Variants in BCAM observed in about 807,000 individuals in gnomAD.
BCAM encodes basal cell adhesion molecule.
A neutral mutation model predicts 72.4 loss-of-function variants in BCAM; 61 were observed. The ratio of observed to expected loss-of-function variants is 0.84; its 90% CI spans 0.69 to 1.04. BCAM has a LOEUF of 1.04. Among genes scored for constraint, BCAM ranks in the 50% least tolerant of loss-of-function variants. The probability of loss-of-function intolerance (pLI) is 0.00; values close to 1 mark genes in which losing one functional copy is unlikely to be tolerated. For missense variants in BCAM, 909 were observed against 895.0 expected (o/e 1.02, Z -0.20); for synonymous variants, 408 against 384.2 (o/e 1.06, Z -0.73).
Position 44,821,206 on chromosome 19 carries a change from G to A in BCAM, c.*285G>A, listed in dbSNP as rs981485966. ...GGACCCAAGCCCAAGGCCCAGCCTGGGACAAGGCTCCGAGGGTCGGCTGGC... is the reference window on the plus strand; with the variant it reads ...GGACCCAAGCCCAAGGCCCAGCCTGAGACAAGGCTCCGAGGGTCGGCTGGC... On this transcript the variant is annotated 3_prime_UTR_variant, in exon 15 of 15. Transcript: ENST00000270233. 3 of 399,786 alleles carry A rather than the reference G, an allele frequency of 7.5e-6. No homozygotes were observed. The highest frequency in any genetic ancestry group is 4.1e-5 in the African/African-American group (2 of 48,434). 24.8% of individuals were successfully genotyped at this position (399,786 alleles called of 1,614,324 possible).
In BCAM at chr19:44,819,698, T is replaced by C; in HGVS notation, c.1735T>C (p.Cys579Arg). 6.2e-7 allele frequency: 1 copy of C among 1,611,112 alleles called. No individual in the cohort carries two copies. The change falls in exon 13 of 15, where the codon TGC becomes CGC. Residue 579 changes from cysteine to arginine, a missense_variant. Coordinates refer to ENST00000270233, the MANE Select transcript of BCAM (RefSeq NM_005581.5). Reference protein sequence around the residue: ...YCVRRKGGPCCRQRREKGAPP... With the variant: ...YCVRRKGGPCRRQRREKGAPP... ...CGTGAGACGCAAAGGGGGCCCCTGC[T>C]GCCGCCAGCGGCGGGAGAAGGGGGC...
Position 44,820,698 on chromosome 19 carries a change from C to T in BCAM, c.1764-7C>T, listed in dbSNP as rs1377695770. ...CGACGCCTCCGCCCGCTGCCTCCTC[C>T]CCCCAGGCCGCCAGGGGAGCCAGGG... is the stretch of plus-strand genomic sequence containing the variant. On this transcript the variant is annotated splice_region_variant and splice_polypyrimidine_tract_variant and intron_variant, in intron 13 of 14. Coordinates refer to ENST00000270233, the MANE Select transcript of BCAM (RefSeq NM_005581.5). 2 of 1,405,544 alleles carry T rather than the reference C, an allele frequency of 1.4e-6. No homozygotes were observed. The highest frequency in any genetic ancestry group is 9.3e-7 in the Non-Finnish European group (1 of 1,075,180). The allele number at this position is 1,405,544 out of a possible 1,614,324, so 87.1% of individuals were successfully genotyped here. A position where few individuals can be genotyped will look rare whatever the true frequency, so the allele number is the denominator to read the frequency against.
chr19:44,815,910 G>A (rs1968498137), intron 8 of BCAM, among the ~76,000 whole-genome samples: 1 of 152,096 alleles, frequency 6.6e-6, no homozygotes, highest in Admixed American at 6.6e-5. Flanking sequence ...CTACTCGGAG[G>A]CCCAGGTGGG....
rs781145298 is a variant in BCAM at position 44,820,753 on chromosome 19, G to A, written c.1812G>A (p.Glu604=). The A allele has an allele frequency of 2.7e-6, 4 of 1,498,054 alleles. No individual in the cohort carries two copies. The highest frequency in any genetic ancestry group is 3.6e-6 in the Non-Finnish European group (4 of 1,119,018). The allele number at this position is 1,498,054 out of a possible 1,614,324, so 92.8% of individuals were successfully genotyped here. A position where few individuals can be genotyped will look rare whatever the true frequency, so the allele number is the denominator to read the frequency against. Residue 604 remains glutamate (E), a synonymous_variant, in exon 14 of 15, where the codon GAG becomes GAA. Coordinates refer to ENST00000270233, the MANE Select transcript of BCAM (RefSeq NM_005581.5). ...GCCACTCGGGGTCGGAGCAACCAGAGCAGACCGGCCTTCTCATGGGAGGTG... is the reference window on the plus strand; with the variant it reads ...GCCACTCGGGGTCGGAGCAACCAGAACAGACCGGCCTTCTCATGGGAGGTG... ...GLSHSGSEQP[E]QTGLLMGGAS...
rs41306986 is a variant in BCAM at position 44,820,877 on chromosome 19, G to A, written c.1882-39G>A. Reference sequence around the variant, plus strand: ...AGGGACCTGCTGGGCAGTGGAGCACGCCCGTGGGCACAGGCTGACCTCTCC... The same window carrying A: ...AGGGACCTGCTGGGCAGTGGAGCACACCCGTGGGCACAGGCTGACCTCTCC... On this transcript the variant is annotated intron_variant, in intron 14 of 14. Coordinates refer to ENST00000270233, the MANE Select transcript of BCAM (RefSeq NM_005581.5). 12,030 of 1,552,214 alleles carry A rather than the reference G, an allele frequency of 7.8e-3. 70 individuals carry two copies. The highest frequency in any genetic ancestry group is 9.1e-3 in the Non-Finnish European group (10,474 of 1,148,944).
chr19:44,810,587 G>C (rs1968404311), intron 1 of BCAM, among the ~76,000 whole-genome samples: 4 of 152,206 alleles, frequency 2.6e-5, no homozygotes, highest in Admixed American at 1.3e-4. Flanking sequence ...CAGAGATGGA[G>C]ACCCAAGAGG....
rs1325646356 is a variant in BCAM, at chr19:44,809,130, G to C, written c.6G>C (p.Glu2Asp). MEPPDAPAQARG... is the reference protein window; with the variant it reads MDPPDAPAQARG... ...TCTCCGCCGCCGCCGTGAACATGGA[G>C]CCCCCGGACGCACCGGCCCAGGCGC... The change falls in exon 1 of 15, where the codon GAG (glutamate) becomes GAC (aspartate). Residue 2 changes from glutamate (E) to aspartate (D), a missense_variant. Glu to Asp is a conservative substitution (Grantham distance 45). Transcript: ENST00000270233. 3 of 1,455,804 alleles carry C rather than the reference G, an allele frequency of 2.1e-6. No homozygotes were observed. Among genetic ancestry groups the C allele is most frequent in the Admixed American group, 2.5e-5 (1 of 40,184 alleles). 90.2% of individuals were successfully genotyped at this position (1,455,804 alleles called of 1,614,324 possible). A position where few individuals can be genotyped will look rare whatever the true frequency, so the allele number is the denominator to read the frequency against.
intron 1 of BCAM, 79 bp downstream of exon 1, chr19:44,809,285 A>C: frequency 8.1e-7 from 1 of 1,234,624 alleles, no homozygotes; most frequent in Non-Finnish European, 1.0e-6. Flanking sequence ...AAAGGGCTTT[A>C]CCCTGACCCC....
chr19:44,814,730 C>G lies in BCAM; in HGVS notation c.1048C>G (p.Leu350Val). ...EDYDAADDVQ[L>V]SKTLELRVAY... ...TTACGACGCGGCAGATGACGTGCAG[C>G]TCTCCAAGACGCTGGAGCTGCGCGT... Residue 350 changes from leucine to valine, a missense_variant, in exon 8 of 15, where the codon CTC becomes GTC. Transcript: ENST00000270233. This position sits in a 1 kb window ranked among gnomAD's most constrained non-coding sequence, Gnocchi z 4.6. The G allele has an allele frequency of 6.2e-7, 1 of 1,613,526 alleles. No homozygotes were observed. The highest frequency in any genetic ancestry group is 1.1e-5 in the South Asian group (1 of 91,064).
rs1968465578 is a variant in BCAM at position 44,813,857 on chromosome 19, A to C, written c.784+237A>C. On this transcript the variant is annotated intron_variant, in intron 6 of 14. Coordinates refer to ENST00000270233, the MANE Select transcript of BCAM (RefSeq NM_005581.5). The surrounding 1 kb of genome is among the most constrained non-coding windows in gnomAD (Gnocchi z 4.2). The stretch of plus-strand genomic sequence containing the variant: ...CTGGACCCCATGAAGTTTATGACTA[A>C]ATGGTGCTTTCCACCTTCTCACACT... 6.6e-6 allele frequency among the ~76,000 whole-genome samples: 1 copy of C among 152,056 alleles called. No individual in the cohort carries two copies. The highest frequency in any genetic ancestry group is 1.9e-4 in the East Asian group (1 of 5,196).
rs760797820 is a variant in BCAM at position 44,812,661 on chromosome 19, G to A, written c.504+113G>A. 8 of 1,300,414 alleles carry A rather than the reference G, an allele frequency of 6.2e-6. No homozygotes were observed. Among genetic ancestry groups the A allele is most frequent in the Non-Finnish European group, 8.5e-6 (8 of 942,840 alleles). The allele number at this position is 1,300,414 out of a possible 1,614,324, so 80.6% of individuals were successfully genotyped here. Reference sequence around the variant, plus strand: ...GGGACCCCTGGGTAATAAAGGAGGAGGGGTAAGGCCAGGCGAGGTGGCTCA... The same window carrying A: ...GGGACCCCTGGGTAATAAAGGAGGAAGGGTAAGGCCAGGCGAGGTGGCTCA... On this transcript the variant is annotated intron_variant, in intron 4 of 14. Coordinates refer to ENST00000270233, the MANE Select transcript of BCAM (RefSeq NM_005581.5). This position sits in a 1 kb window ranked among gnomAD's most constrained non-coding sequence, Gnocchi z 5.3.
rs756893145 is a variant in BCAM, at chr19:44,812,313, G to A, written c.355G>A (p.Asp119Asn). Reference sequence around the variant, plus strand: ...GGTGCTGGCTGAGGCCCAGGTGGGCGACGAGCGAGACTACGTGTGCGTGGT... The same window carrying A: ...GGTGCTGGCTGAGGCCCAGGTGGGCAACGAGCGAGACTACGTGTGCGTGGT... ...RLVLAEAQVG[D>N]ERDYVCVVRA... is the part of the protein sequence containing the mutation. Residue 119 changes from aspartate (D) to asparagine (N), a missense_variant, in exon 3 of 15, where the codon GAC (aspartate) becomes AAC (asparagine). Coordinates refer to ENST00000270233, the MANE Select transcript of BCAM (RefSeq NM_005581.5). The surrounding 1 kb of genome is among the most constrained non-coding windows in gnomAD (Gnocchi z 5.3). 1.5e-5 allele frequency: 24 copies of A among 1,612,382 alleles called. No homozygotes were observed. The highest frequency in any genetic ancestry group is 4.0e-5 in the African/African-American group (3 of 74,904).
rs1321905053 is a variant in BCAM, at chr19:44,812,592, G to A, written c.504+44G>A. The stretch of plus-strand genomic sequence containing the variant: ...TTGGCCCCAGGGTCCTGGAGGAGGA[G>A]GGGACAGGGCCCTGGACTCCTGGGT... On this transcript the variant is annotated intron_variant, in intron 4 of 14. Coordinates refer to ENST00000270233, the MANE Select transcript of BCAM (RefSeq NM_005581.5). The surrounding 1 kb of genome is among the most constrained non-coding windows in gnomAD (Gnocchi z 5.3). The A allele has an allele frequency of 1.2e-6, 2 of 1,608,756 alleles. No homozygotes were observed. The highest frequency in any genetic ancestry group is 4.5e-5 in the East Asian group (2 of 44,820).
rs1030055627 is a variant in BCAM, at chr19:44,813,706, C to G, written c.784+86C>G. 2.5e-5 allele frequency: 37 copies of G among 1,491,686 alleles called. No individual in the cohort carries two copies. In the African/African-American group the frequency reaches 4.9e-4, roughly 20 times the overall value. 92.4% of individuals were successfully genotyped at this position (1,491,686 alleles called of 1,614,324 possible). A position where few individuals can be genotyped will look rare whatever the true frequency, so the allele number is the denominator to read the frequency against. On this transcript the variant is annotated intron_variant, in intron 6 of 14. Coordinates refer to ENST00000270233, the MANE Select transcript of BCAM (RefSeq NM_005581.5). This position sits in a 1 kb window ranked among gnomAD's most constrained non-coding sequence, Gnocchi z 4.2. Reference sequence around the variant, plus strand: ...CTCCACCCGGGGGCTTCACACTCCCCTCTGACCCTCTGCCTCCCTACTTCA... The same window carrying G: ...CTCCACCCGGGGGCTTCACACTCCCGTCTGACCCTCTGCCTCCCTACTTCA...
rs560312954 is a variant in BCAM, at chr19:44,818,486, G to A, written c.1079-36G>A. On this transcript the variant is annotated intron_variant, in intron 8 of 14. Coordinates refer to ENST00000270233, the MANE Select transcript of BCAM (RefSeq NM_005581.5). The surrounding 1 kb of genome is among the most constrained non-coding windows in gnomAD (Gnocchi z 4.6). The stretch of plus-strand genomic sequence containing the variant: ...GAGAGCCCCTAATTGAGTGGGTGGC[G>A]GTCTGGGACGAGTGACAGACTGTCC... 54 of 1,583,368 alleles carry A rather than the reference G, an allele frequency of 3.4e-5. No individual in the cohort carries two copies. Among genetic ancestry groups the A allele is most frequent in the East Asian group, 2.7e-4 (12 of 44,470 alleles).
chr19:44,820,505 T>G, intron 13 of BCAM, 200 bp from the exon 14 acceptor site: 2 of 1,262,686 alleles, frequency 1.6e-6, no homozygotes, highest in Non-Finnish European at 9.9e-7. Flanking sequence ...CCCAATAGCA[T>G]CTGCATCCCC....
At position 44,814,822 on chromosome 19, in the gene BCAM, C is replaced by A. The variant is rs1968482334; in HGVS notation, c.1078+62C>A. 6 of 1,532,628 alleles carry A rather than the reference C, an allele frequency of 3.9e-6. No homozygotes were observed. The highest frequency in any genetic ancestry group is 4.4e-6 in the Non-Finnish European group (5 of 1,139,014). 94.9% of individuals were successfully genotyped at this position (1,532,628 alleles called of 1,614,324 possible). On this transcript the variant is annotated intron_variant, in intron 8 of 14. Transcript: ENST00000270233. The surrounding 1 kb of genome is among the most constrained non-coding windows in gnomAD (Gnocchi z 4.6). Reference sequence around the variant, plus strand: ...CCTGGCATCAGTGCCTCTGCGCCCTCCTCCCTACAGCCCTGAAGTTGCTCT... The same window carrying A: ...CCTGGCATCAGTGCCTCTGCGCCCTACTCCCTACAGCCCTGAAGTTGCTCT...
In BCAM at chr19:44,818,443, C is replaced by A; in HGVS notation, c.1079-79C>A. The A allele has an allele frequency of 3.6e-6, 4 of 1,111,664 alleles. No individual in the cohort carries two copies. Among genetic ancestry groups the A allele is most frequent in the South Asian group, 1.4e-5 (1 of 72,224 alleles). The allele number at this position is 1,111,664 out of a possible 1,614,324, so 68.9% of individuals were successfully genotyped here. ...GCTTCCAACTGTCCATTCATGTTTG[C>A]ACCCCCGACCGCCCCTGGAGAGCCC... On this transcript the variant is annotated intron_variant, in intron 8 of 14. Coordinates refer to ENST00000270233, the MANE Select transcript of BCAM (RefSeq NM_005581.5). The surrounding 1 kb of genome is among the most constrained non-coding windows in gnomAD (Gnocchi z 4.6).
At position 44,812,251 on chromosome 19, in the gene BCAM, G is replaced by A. The variant is rs776003390; in HGVS notation, c.293G>A (p.Arg98His). The A allele has an allele frequency of 3.2e-5, 52 of 1,608,128 alleles. No homozygotes were observed. Among genetic ancestry groups the A allele is most frequent in the South Asian group, 8.8e-5 (8 of 90,824 alleles). ...GTCACAATGCACGACACCCGGGGCC[G>A]CAGTCCCCCATACCAGCTGGACTCC... ...LQVTMHDTRG[R>H]SPPYQLDSQG... The change falls in exon 3 of 15, where the codon CGC (arginine) becomes CAC (histidine). Residue 98 changes from arginine to histidine, a missense_variant. By Grantham distance (29) the Arg-to-His change is conservative. Coordinates refer to ENST00000270233, the MANE Select transcript of BCAM (RefSeq NM_005581.5). This position sits in a 1 kb window ranked among gnomAD's most constrained non-coding sequence, Gnocchi z 5.3.
Sources: allele counts gnomAD v4.1 joint callset (sites outside exome capture counted in the v4.1 genomes callset), GRCh38; gene constraint gnomAD v4.1.1; non-coding constraint Gnocchi (gnomAD v3.1); transcripts MANE v1.5; gene names NCBI Gene and HGNC (gene_info 2026-07-23, HGNC 2026-07-21).